CCDC7: variants seen among roughly 807,000 people sequenced by gnomAD.
CCDC7 encodes coiled-coil domain containing 7, also known as coiled-coil domain-containing protein 7.
Under a neutral mutation model 196.9 loss-of-function variants are expected in CCDC7, and 183 were observed. The ratio of observed to expected loss-of-function variants is 0.93; its 90% CI spans 0.82 to 1.05. The LOEUF is 1.05. Among genes scored for constraint, CCDC7 ranks in the 50% least tolerant of loss-of-function variants. The pLI, the probability that CCDC7 is intolerant of heterozygous loss-of-function variation, is 0.00. For synonymous variants in CCDC7, 525 were observed against 484.6 expected (o/e 1.08, Z -1.10); for missense variants, 1,540 against 1,482.2 (o/e 1.04, Z -0.64).
At chr10:32,715,659 T>C (rs1309652283) in intron 25 of CCDC7, among the ~76,000 whole-genome samples, 1 of 152,036 alleles carries the variant, frequency 6.6e-6, no homozygotes, top group African/African-American at 2.4e-5. Flanking sequence ...CTTGGTAAAA[T>C]GTCACAGGAA....
intron 20 of CCDC7, among the ~76,000 whole-genome samples, chr10:32,638,025 T>A (rs1178237148): frequency 6.6e-6 from 1 of 152,182 alleles, no homozygotes; most frequent in Non-Finnish European, 1.5e-5. Context: ...GATTTGGCTC[T>A]CTGTTTGTCT....
chr10:32,565,580 A>G (rs749311687), exon 14 of CCDC7: 2 of 1,609,922 alleles, frequency 1.2e-6, no homozygotes, highest in African/African-American at 2.7e-5. Flanking sequence ...CTGGAAATTG[A>G]GAACAAAGTC....
chr10:32,639,475 C>T (rs989010411), intron 20 of CCDC7, among the ~76,000 whole-genome samples: 13 of 152,018 alleles, frequency 8.6e-5, no homozygotes, highest in African/African-American at 3.1e-4. Flanking sequence ...TTAATTTTGG[C>T]TTTTGCCTTC....
intron 32 of CCDC7, among the ~76,000 whole-genome samples, chr10:32,828,503 AGAAGAAGAAG>A (rs1565634787): frequency 8.3e-6 from 1 of 120,858 alleles, no homozygotes; most frequent in Non-Finnish European, 1.8e-5. Context: ...AAGAAGAAGA[AGAAGAAGAAG>A]AAGAAGAAGA....
intron 11 of CCDC7, among the ~76,000 whole-genome samples, chr10:32,538,926 G>T (rs2050951774): frequency 6.6e-6 from 1 of 152,164 alleles, no homozygotes; most frequent in Non-Finnish European, 1.5e-5. Flanking sequence ...TGTTCATCAA[G>T]ATATTGGCCT....
intron 23 of CCDC7, among the ~76,000 whole-genome samples, chr10:32,690,896 T>A (rs928775863): frequency 2.6e-5 from 4 of 152,220 alleles, no homozygotes; most frequent in Non-Finnish European, 5.9e-5. Flanking sequence ...TCCGAAAGGA[T>A]ACTCTCATGG....
At chr10:32,518,019 GTTC>G in intron 10 of CCDC7, 44 bp downstream of exon 11, 1 of 1,526,212 alleles carries the variant, frequency 6.6e-7, no homozygotes, top group Non-Finnish European at 8.8e-7. Flanking sequence ...TTGTCCTTGA[GTTC>G]TTAACAGATT....
At chr10:32,561,300 C>T (rs1232617404) in intron 13 of CCDC7, among the ~76,000 whole-genome samples, 2 of 152,122 alleles carry the variant, frequency 1.3e-5, no homozygotes, top group Non-Finnish European at 2.9e-5. Context: ...CCAAGCAGAC[C>T]TAATAGACAT....
chr10:32,509,658 A>G (rs1410554264), intron 9 of CCDC7, among the ~76,000 whole-genome samples: 1 of 152,214 alleles, frequency 6.6e-6, no homozygotes, highest in Non-Finnish European at 1.5e-5. Context: ...TGTACATCTG[A>G]TAATGGGTCA....
At chr10:32,644,553 T>C (rs2067416471) in intron 20 of CCDC7, among the ~76,000 whole-genome samples, 1 of 152,228 alleles carries the variant, frequency 6.6e-6, no homozygotes. Flanking sequence ...GCTGGTGATA[T>C]GGTTTGGCTA....
chr10:32,450,716 A>T (rs549796246), upstream of CCDC7, among the ~76,000 whole-genome samples: 3 of 152,304 alleles, frequency 2.0e-5, no homozygotes, highest in Admixed American at 6.5e-5. Context: ...TATTACACTA[A>T]TGATACCTTG....
intron 11 of CCDC7, among the ~76,000 whole-genome samples, chr10:32,520,131 A>G (rs563094786): frequency 2.3e-4 from 35 of 152,188 alleles, no homozygotes; most frequent in African/African-American, 8.4e-4. Flanking sequence ...ATGGACACAG[A>G]GGTTGCTTCC....
intron 13 of CCDC7, among the ~76,000 whole-genome samples, chr10:32,549,755 TCTGTTC>T (rs1394935721): frequency 3.9e-5 from 6 of 152,190 alleles, no homozygotes; most frequent in African/African-American, 1.4e-4. Flanking sequence ...GGTTCTCTTT[TCTGTTC>T]CATTGTCAGT....
chr10:32,633,782 AACTT>A (rs2065231036), intron 18 of CCDC7, among the ~76,000 whole-genome samples: 1 of 149,440 alleles, frequency 6.7e-6, no homozygotes, highest in South Asian at 2.1e-4. Flanking sequence ...ATTGTGCATT[AACTT>A]ACTTCCCAAA....
intron 8 of CCDC7, among the ~76,000 whole-genome samples, chr10:32,482,933 A>G (rs1055730138): frequency 3.3e-5 from 5 of 152,114 alleles, no homozygotes; most frequent in African/African-American, 7.2e-5. Context: ...AGTCTTTGCT[A>G]TTGTGAATAG....
chr10:32,862,120 T>A (rs2094012405), intron 41 of CCDC7, among the ~76,000 whole-genome samples: 1 of 152,214 alleles, frequency 6.6e-6, no homozygotes, highest in African/African-American at 2.4e-5. Context: ...TGCACATGTA[T>A]GTTTATTGCA....
At chr10:32,520,229 T>A (rs545748492) in intron 11 of CCDC7, among the ~76,000 whole-genome samples, 1 of 152,252 alleles carries the variant, frequency 6.6e-6, no homozygotes, top group East Asian at 1.9e-4. Flanking sequence ...TTGGGATATA[T>A]ACATATCAAT....
At chr10:32,590,805 A>G (rs1485438174) in intron 18 of CCDC7, among the ~76,000 whole-genome samples, 3 of 151,700 alleles carry the variant, frequency 2.0e-5, no homozygotes, top group Non-Finnish European at 4.4e-5. Flanking sequence ...ATGTCCTACT[A>G]CTCTCTCCAG....
At chr10:32,488,199 T>G (rs1273752784) in intron 8 of CCDC7, among the ~76,000 whole-genome samples, 2 of 152,196 alleles carry the variant, frequency 1.3e-5, no homozygotes, top group Non-Finnish European at 2.9e-5. Context: ...CGCCCCTCCC[T>G]CAGCCTTGCT....
Sources: gnomAD v4.1 joint callset for allele counts (sites outside exome capture counted in the v4.1 genomes callset) on GRCh38, gnomAD v4.1.1 for gene constraint, MANE v1.5 for transcripts, NCBI Gene and HGNC (gene_info 2026-07-23, HGNC 2026-07-21) for gene names.